FAF1: variants seen among roughly 807,000 people sequenced by gnomAD.
FAF1 encodes the protein Fas associated factor 1, also known as FAS-associated factor 1.
A neutral mutation model predicts 92.5 loss-of-function variants in FAF1; 25 were observed. That is an observed-to-expected ratio of 0.27 (90% CI 0.20 to 0.38). The LOEUF (loss-of-function observed/expected upper bound fraction) is 0.38. Ranked by LOEUF, FAF1 falls within the 10% of genes least tolerant of loss-of-function variation. FAF1 has a pLI of 1.00. For missense variants in FAF1, 636 were observed against 793.3 expected, an observed-to-expected ratio of 0.80 and a Z score of 2.38; for synonymous variants, 234 against 273.2, an observed-to-expected ratio of 0.86 and a Z score of 1.42.
At chr1:50,590,933 G>T (rs896026896) in intron 9 of FAF1, among the ~76,000 whole-genome samples, 7 of 151,078 alleles carry the variant, frequency 4.6e-5, no homozygotes, top group Non-Finnish European at 7.4e-5. Context: ...AGTGAGCCAA[G>T]ATCGTGCCAC....
chr1:50,647,254 T>A (rs997089520), intron 8 of FAF1, among the ~76,000 whole-genome samples: 1 of 152,228 alleles, frequency 6.6e-6, no homozygotes, highest in African/African-American at 2.4e-5. Flanking sequence ...CCTATAATAA[T>A]AGTTAAGTCT....
chr1:50,715,512 C>T (rs1658132864), intron 6 of FAF1, among the ~76,000 whole-genome samples: 1 of 152,128 alleles, frequency 6.6e-6, no homozygotes. Context: ...GATAGATAAC[C>T]ACTTTAAAAT....
In FAF1 at chr1:50,437,249, AAAG is replaced by A. The variant is rs1212790256; in HGVS notation, c.*4188_*4190del. On this transcript the variant is annotated 3_prime_UTR_variant, in exon 19 of 19. Coordinates refer to ENST00000396153, the MANE Select transcript of FAF1 (RefSeq NM_007051.3). ...TTTAGATAAAAATACGGATTGATAA[AAAG>A]AATGGACAGATTCTTCTCCCCAAAT... is the stretch of plus-strand genomic sequence containing the variant. 6.6e-6 allele frequency: 1 copy of A among 152,232 alleles called. No individual in the cohort carries two copies. Among genetic ancestry groups the A allele is most frequent in the African/African-American group, 2.4e-5 (1 of 41,454 alleles). 9.4% of individuals were successfully genotyped at this position (152,232 alleles called of 1,614,324 possible).
chr1:50,634,555 A>G (rs1202651980), intron 8 of FAF1, among the ~76,000 whole-genome samples: 1 of 152,218 alleles, frequency 6.6e-6, no homozygotes, highest in African/African-American at 2.4e-5. Context: ...TCAGTTATAA[A>G]ATAGGGTTGG....
intron 6 of FAF1, among the ~76,000 whole-genome samples, chr1:50,733,607 TCTCTCTCTCTC>T (rs971574901): frequency 6.0e-5 from 9 of 151,160 alleles, no homozygotes; most frequent in South Asian, 2.1e-4. Context: ...AAACCAGAGT[TCTCTCTCTCTC>T]CTCTCTCTCT....
At position 50,600,494 on chromosome 1, in the gene FAF1, C is replaced by A. The variant is rs1652048700; in HGVS notation, c.745-4278G>T. Among the ~76,000 whole-genome samples the A allele has an allele frequency of 2.0e-5, 3 of 151,974 alleles. No individual in the cohort carries two copies. The South Asian group carries it at 6.2e-4, about 32-fold the overall frequency. On this transcript the variant is annotated intron_variant, in intron 8 of 18. Coordinates refer to ENST00000396153, the MANE Select transcript of FAF1 (RefSeq NM_007051.3). ...ACATTGAAAGTAACATTTAGCTTTA[C>A]CCGAGAAAGCTCCTTGCCACATATA...
intron 2 of FAF1, among the ~76,000 whole-genome samples, chr1:50,825,761 T>C (rs2124625836): frequency 6.6e-6 from 1 of 152,302 alleles, no homozygotes; most frequent in Admixed American, 6.5e-5. Flanking sequence ...AATTTCAGTA[T>C]GTATTGACCA....
intron 1 of FAF1, among the ~76,000 whole-genome samples, chr1:50,955,901 T>C (rs1645262541): frequency 6.6e-6 from 1 of 152,200 alleles, no homozygotes; most frequent in Non-Finnish European, 1.5e-5. Flanking sequence ...GGGCAAATAC[T>C]CTATGTTCCA....
chr1:50,808,657 TA>T (rs57362903), intron 2 of FAF1, among the ~76,000 whole-genome samples: 1,717 of 135,200 alleles, frequency 0.013, 15 homozygotes, highest in African/African-American at 0.033. Context: ...AATAAAGATT[TA>T]AAAAAAAAAA....
intron 18 of FAF1, among the ~76,000 whole-genome samples, chr1:50,453,133 G>C (rs962179222): frequency 2.8e-4 from 42 of 152,352 alleles, no homozygotes; most frequent in Admixed American, 2.5e-3. Flanking sequence ...GAAAGACGTG[G>C]CTGGAAAGAC....
At chr1:50,690,023 T>C (rs1656851021) in intron 7 of FAF1, among the ~76,000 whole-genome samples, 1 of 140,528 alleles carries the variant, frequency 7.1e-6, no homozygotes, top group Non-Finnish European at 1.5e-5. Flanking sequence ...TGAGATGGAG[T>C]CTTGCTCTGT....
chr1:50,596,783 A>G (rs1651841665), intron 8 of FAF1, among the ~76,000 whole-genome samples: 1 of 152,134 alleles, frequency 6.6e-6, no homozygotes, highest in South Asian at 2.1e-4. Context: ...GCCTTAAATA[A>G]CCTGAGTCAA....
chr1:50,514,156 T>TC (rs376855065), intron 15 of FAF1, among the ~76,000 whole-genome samples: 173 of 152,348 alleles, frequency 1.1e-3, no homozygotes, highest in Non-Finnish European at 1.6e-3. Context: ...GATATTTACC[T>TC]CCAGCCTTAT....
At chr1:50,573,979 A>C (rs1354028462) in intron 12 of FAF1, among the ~76,000 whole-genome samples, 2 of 151,928 alleles carry the variant, frequency 1.3e-5, no homozygotes, top group African/African-American at 2.4e-5. Flanking sequence ...AATACAAAAA[A>C]TTGGCTGGGT....
At chr1:50,801,745 T>G (rs1661998616) in intron 2 of FAF1, 68 bp from the exon 3 acceptor site, 1 of 875,378 alleles carries the variant, frequency 1.1e-6, no homozygotes. Context: ...TGGAGAACAC[T>G]TTAAAAGGAA....
At chr1:50,714,860 T>C in intron 6 of FAF1, 1 of 230,066 alleles carries the variant, frequency 4.3e-6, no homozygotes, top group South Asian at 5.7e-5. Flanking sequence ...CACAGCTTGA[T>C]TTCAGAGCAG....
intron 8 of FAF1, among the ~76,000 whole-genome samples, chr1:50,603,087 A>T (rs962990816): frequency 6.6e-6 from 1 of 152,216 alleles, no homozygotes; most frequent in Non-Finnish European, 1.5e-5. Context: ...CAGGCACTTT[A>T]TCTCACAACC....
Position 50,627,703 on chromosome 1 carries a change from G to T in FAF1, c.744+27739C>A, listed in dbSNP as rs139117573. Among the ~76,000 whole-genome samples, 166 of 152,176 alleles carry T rather than the reference G, an allele frequency of 1.1e-3. 2 individuals carry two copies. In the East Asian group the frequency reaches 0.028, roughly 25 times the overall value. ...TTTGGATAAAGGGAATGTGAGGGGGGGCTTCTGGGATACTTTAAAATGTTT... is the reference window on the plus strand; with the variant it reads ...TTTGGATAAAGGGAATGTGAGGGGGTGCTTCTGGGATACTTTAAAATGTTT... On this transcript the variant is annotated intron_variant, in intron 8 of 18. Coordinates refer to ENST00000396153, the MANE Select transcript of FAF1 (RefSeq NM_007051.3).
chr1:50,891,109 T>A (rs749700599), intron 1 of FAF1, among the ~76,000 whole-genome samples: 2 of 152,216 alleles, frequency 1.3e-5, no homozygotes, highest in Non-Finnish European at 2.9e-5. Context: ...TTTCATTCAT[T>A]TGGTCTTCAA....
Sources: allele counts gnomAD v4.1 joint callset (sites outside exome capture counted in the v4.1 genomes callset), GRCh38; gene constraint gnomAD v4.1.1; transcripts MANE v1.5; gene names NCBI Gene and HGNC (gene_info 2026-07-23, HGNC 2026-07-21).